MACROD1: variants seen among roughly 807,000 people sequenced by gnomAD.
MACROD1 encodes the protein ADP-ribose glycohydrolase MACROD1.
MACROD1 carries 31 observed loss-of-function variants against 41.4 expected under a neutral mutation model. The observed-to-expected ratio is 0.75, with a 90% confidence interval of 0.56 to 1.01. MACROD1 has a LOEUF of 1.01. Among genes scored for constraint, MACROD1 ranks in the 50% least tolerant of loss-of-function variants. The pLI is 0.00. For missense variants in MACROD1, 473 were observed against 460.0 expected (o/e 1.03, Z -0.26); for synonymous variants, 252 against 203.4 (o/e 1.24, Z -2.03).
chr11:64,112,945 C>T (rs1408127914), intron 3 of MACROD1, among the ~76,000 whole-genome samples: 2 of 152,208 alleles, frequency 1.3e-5, no homozygotes, highest in East Asian at 3.8e-4. Flanking sequence ...ATTCTGTCAT[C>T]GGGTGGTCAC....
intron 3 of MACROD1, among the ~76,000 whole-genome samples, chr11:64,132,417 T>C (rs1448332733): frequency 2.1e-5 from 2 of 93,190 alleles, no homozygotes; most frequent in African/African-American, 8.4e-5. Context: ...CCCTGGCGGA[T>C]GGATTGGTCA....
chr11:64,099,570 GA>G (rs1263939580), intron 3 of MACROD1, among the ~76,000 whole-genome samples: 1 of 151,090 alleles, frequency 6.6e-6, no homozygotes, highest in Non-Finnish European at 1.5e-5. Flanking sequence ...GGATAGAGGT[GA>G]ATAGATGGAC....
intron 3 of MACROD1, among the ~76,000 whole-genome samples, chr11:64,112,925 G>A (rs663889): frequency 0.53 from 80,711 of 152,110 alleles, 24,600 homozygotes; most frequent in Non-Finnish European, 0.68. Context: ...CATTCACCAC[G>A]GCAGGGCCCA....
chr11:64,104,806 G>A (rs943396293), intron 3 of MACROD1, among the ~76,000 whole-genome samples: 2 of 152,172 alleles, frequency 1.3e-5, no homozygotes, highest in Admixed American at 1.3e-4. Context: ...GGCAGAGAGT[G>A]CCCCAAGGGT....
intron 1 of MACROD1, among the ~76,000 whole-genome samples, chr11:64,159,291 C>A (rs1454860192): frequency 7.0e-6 from 1 of 142,238 alleles, no homozygotes; most frequent in Non-Finnish European, 1.5e-5. Context: ...TGCACTCCAG[C>A]CTGGGTGACA....
chr11:64,152,181 T>C, intron 2 of MACROD1, 111 bp downstream of exon 2: 1 of 800,880 alleles, frequency 1.2e-6, no homozygotes, highest in Non-Finnish European at 2.2e-6. Flanking sequence ...AGCACCTGCC[T>C]GCAGCAAGCA....
At chr11:64,057,147 G>A (rs1288504040) in intron 3 of MACROD1, among the ~76,000 whole-genome samples, 1 of 152,212 alleles carries the variant, frequency 6.6e-6, no homozygotes, top group Non-Finnish European at 1.5e-5. Context: ...GGACCCGGGT[G>A]CCCCTGTGCC....
At chr11:64,028,432 G>C (rs1463647602) in intron 3 of MACROD1, among the ~76,000 whole-genome samples, 2 of 152,242 alleles carry the variant, frequency 1.3e-5, no homozygotes, top group Non-Finnish European at 2.9e-5. Context: ...GCAGAGGGAG[G>C]AGGGAGAGGG....
chr11:64,062,994 C>T (rs1435351325), intron 3 of MACROD1, among the ~76,000 whole-genome samples: 1 of 152,224 alleles, frequency 6.6e-6, no homozygotes, highest in Non-Finnish European at 1.5e-5. Context: ...GGACAGGGCT[C>T]CCGGCCCATC....
intron 3 of MACROD1, among the ~76,000 whole-genome samples, chr11:64,041,026 T>C (rs2134386722): frequency 6.6e-6 from 1 of 151,728 alleles, no homozygotes; most frequent in Admixed American, 6.6e-5. Flanking sequence ...GGGGATGGCT[T>C]ATACTTAATT....
intron 3 of MACROD1, among the ~76,000 whole-genome samples, chr11:64,085,963 C>T (rs1463964937): frequency 1.3e-5 from 2 of 151,914 alleles, no homozygotes; most frequent in African/African-American, 4.8e-5. Flanking sequence ...CCAGCCCCTG[C>T]CTCAGCAGAT....
intron 4 of MACROD1, among the ~76,000 whole-genome samples, chr11:64,007,304 G>A (rs1284078407): frequency 6.6e-6 from 1 of 152,224 alleles, no homozygotes; most frequent in African/African-American, 2.4e-5. Flanking sequence ...TGGTGAAAAA[G>A]GAGAAGGGGA....
At chr11:64,139,047 G>A (rs1377031739) in intron 3 of MACROD1, among the ~76,000 whole-genome samples, 1 of 152,146 alleles carries the variant, frequency 6.6e-6, no homozygotes, top group Non-Finnish European at 1.5e-5. Flanking sequence ...GATTATAGGC[G>A]TGAGCCACCG....
intron 3 of MACROD1, among the ~76,000 whole-genome samples, chr11:64,137,687 C>T (rs1437541695): frequency 4.6e-5 from 7 of 152,104 alleles, no homozygotes; most frequent in Non-Finnish European, 1.0e-4. Flanking sequence ...CGTAGTTCCT[C>T]GGAAGGCCAC....
chr11:64,080,615 GGTTACGTTTATGATACA>G (rs1324068460), intron 3 of MACROD1, among the ~76,000 whole-genome samples: 2 of 152,160 alleles, frequency 1.3e-5, no homozygotes, highest in East Asian at 3.8e-4. Context: ...AGCAAGGGAG[GGTTACGTTTATGATACA>G]GTTACGTTTA....
At chr11:64,125,673 T>A (rs981107558) in intron 3 of MACROD1, among the ~76,000 whole-genome samples, 9 of 152,206 alleles carry the variant, frequency 5.9e-5, no homozygotes, top group African/African-American at 1.7e-4. Flanking sequence ...GTGAGCCAGA[T>A]GGAGAAATGT....
chr11:64,122,503 C>G lies in MACROD1; in HGVS notation c.517+28736G>C, dbSNP rs1945114886. ...TCCCTCTACACAGGCACCGGGTCTCCTCCTTCCCCTGGGGATCTGGGAAAC... is the reference window on the plus strand; with the variant it reads ...TCCCTCTACACAGGCACCGGGTCTCGTCCTTCCCCTGGGGATCTGGGAAAC... On this transcript the variant is annotated intron_variant, in intron 3 of 10. Coordinates refer to ENST00000255681, the MANE Select transcript of MACROD1 (RefSeq NM_014067.4). The surrounding 1 kb of genome is among the most constrained non-coding windows in gnomAD (Gnocchi z 4.0). Among the ~76,000 whole-genome samples, 1 of 152,220 alleles carries G rather than the reference C, an allele frequency of 6.6e-6. No homozygotes were observed. The highest frequency in any genetic ancestry group is 2.1e-4 in the South Asian group (1 of 4,834).
At chr11:64,101,087 T>C (rs914470032) in intron 3 of MACROD1, among the ~76,000 whole-genome samples, 1 of 152,110 alleles carries the variant, frequency 6.6e-6, no homozygotes, top group Non-Finnish European at 1.5e-5. Flanking sequence ...TGCTCCGTTG[T>C]TGCTGTCATG....
At position 64,065,816 on chromosome 11, in the gene MACROD1, A is replaced by G. The variant is rs752571153; in HGVS notation, c.518-50535T>C. ...AAAAAAAAAAAAAAAAAAAAGATGA[A>G]CAAGGAGACTCCCCCTCTCTCCATG... On this transcript the variant is annotated intron_variant, in intron 3 of 10. Transcript: ENST00000255681. Among the ~76,000 whole-genome samples, 136 of 150,688 alleles carry G rather than the reference A, an allele frequency of 9.0e-4. 1 individual carries two copies. Among genetic ancestry groups the G allele is most frequent in the Non-Finnish European group, 1.7e-3 (117 of 67,724 alleles).
Sources: allele counts gnomAD v4.1 joint callset (sites outside exome capture counted in the v4.1 genomes callset), GRCh38; gene constraint gnomAD v4.1.1; non-coding constraint Gnocchi (gnomAD v3.1); transcripts MANE v1.5; gene names NCBI Gene and HGNC (gene_info 2026-07-23, HGNC 2026-07-21).